NIPBL: variants seen among roughly 807,000 people sequenced by gnomAD.
NIPBL encodes NIPBL cohesin loading factor.
Under a neutral mutation model 321.8 loss-of-function variants are expected in NIPBL, and 19 were observed. That is an observed-to-expected ratio of 0.06 (90% confidence interval 0.04 to 0.09). The LOEUF is 0.09. Ranked by LOEUF, NIPBL falls within the 10% of genes least tolerant of loss-of-function variation. The probability of loss-of-function intolerance (pLI) is 1.00; values close to 1 mark genes in which losing one functional copy is unlikely to be tolerated. For missense variants in NIPBL, 2,210 were observed against 3,327.0 expected (o/e 0.66, Z 8.26); for synonymous variants, 1,106 against 1,114.1 (o/e 0.99, Z 0.14).
rs553770736 is a variant in NIPBL, at chr5:36,934,366, A to C, written c.-79-19252A>C. ...TGGATGCTGACTTTGTGTGCATCTA[A>C]TACAGAAATTCATTAAAGGAAAAGA... On this transcript the variant is annotated intron_variant, in intron 1 of 46. Transcript: ENST00000282516. 1.2e-3 allele frequency among the ~76,000 whole-genome samples: 190 copies of C among 152,268 alleles called. 1 individual carries two copies. The highest frequency in any genetic ancestry group is 2.2e-3 in the Non-Finnish European group (150 of 67,976).
At chr5:36,918,827 T>G (rs1180260653) in intron 1 of NIPBL, among the ~76,000 whole-genome samples, 1 of 152,196 alleles carries the variant, frequency 6.6e-6, no homozygotes, top group Non-Finnish European at 1.5e-5. Context: ...TGGATTACGT[T>G]TATTGATTTT....
At chr5:36,904,859 C>A in intron 1 of NIPBL, among the ~76,000 whole-genome samples, 1 of 152,192 alleles carries the variant, frequency 6.6e-6, no homozygotes, top group East Asian at 1.9e-4. Flanking sequence ...AGAAGCCAGT[C>A]TTTTTGTAAC....
intron 34 of NIPBL, among the ~76,000 whole-genome samples, chr5:37,043,482 A>G (rs571769066): frequency 2.6e-5 from 4 of 151,876 alleles, no homozygotes; most frequent in South Asian, 4.2e-4. Flanking sequence ...AGCCAAGATC[A>G]TGCCACTGCA....
chr5:36,926,416 A>G (rs1043619215), intron 1 of NIPBL, among the ~76,000 whole-genome samples: 17 of 152,190 alleles, frequency 1.1e-4, no homozygotes, highest in African/African-American at 4.1e-4. Context: ...CTTTACCCAT[A>G]TAAGTGCCGC....
At chr5:36,938,223 G>A (rs933645818) in intron 1 of NIPBL, among the ~76,000 whole-genome samples, 1 of 151,984 alleles carries the variant, frequency 6.6e-6, no homozygotes, top group South Asian at 2.1e-4. Context: ...CACTGGTTCC[G>A]GGAGAAGGGT....
chr5:36,943,274 A>G lies in NIPBL; in HGVS notation c.-79-10344A>G, dbSNP rs538362108. Reference sequence around the variant, plus strand: ...AACAATTAACAATTGGAAATCAAAAATTTGTCAATTATAATAACATCAAAA... The same window carrying G: ...AACAATTAACAATTGGAAATCAAAAGTTTGTCAATTATAATAACATCAAAA... On this transcript the variant is annotated intron_variant, in intron 1 of 46. Coordinates refer to ENST00000282516, the MANE Select transcript of NIPBL (RefSeq NM_133433.4). 2.6e-5 allele frequency among the ~76,000 whole-genome samples: 4 copies of G among 152,306 alleles called. No individual in the cohort carries two copies. The South Asian group carries it at 6.2e-4, about 24-fold the overall frequency.
chr5:37,014,781 A>C lies in NIPBL; in HGVS notation c.4643+16A>C, dbSNP rs756952407. 6.8e-7 allele frequency: 1 copy of C among 1,474,538 alleles called. No homozygotes were observed. Among genetic ancestry groups the C allele is most frequent in the Non-Finnish European group, 9.5e-7 (1 of 1,052,592 alleles). 91.3% of individuals were successfully genotyped at this position (1,474,538 alleles called of 1,614,324 possible). A position where few individuals can be genotyped will look rare whatever the true frequency, so the allele number is the denominator to read the frequency against. ...TCCTTAAAAAGTGAGTAAAATTAATATAAATCTGGTTTTTCTTTTCCACAG... is the reference window on the plus strand; with the variant it reads ...TCCTTAAAAAGTGAGTAAAATTAATCTAAATCTGGTTTTTCTTTTCCACAG... On this transcript the variant is annotated intron_variant, in intron 22 of 46. Coordinates refer to ENST00000282516, the MANE Select transcript of NIPBL (RefSeq NM_133433.4).
chr5:36,966,359 A>G (rs1742204645), intron 6 of NIPBL, among the ~76,000 whole-genome samples: 1 of 151,974 alleles, frequency 6.6e-6, no homozygotes. Flanking sequence ...TGTTTTCTGT[A>G]TTTCCTATCA....
chr5:36,900,950 C>T (rs2149533894), intron 1 of NIPBL, among the ~76,000 whole-genome samples: 1 of 151,864 alleles, frequency 6.6e-6, no homozygotes, highest in East Asian at 1.9e-4. Flanking sequence ...CCTTTTTTTC[C>T]CCAGCCTTTA....
chr5:36,982,986 A>G (rs190985566), intron 9 of NIPBL, among the ~76,000 whole-genome samples: 43 of 152,090 alleles, frequency 2.8e-4, no homozygotes, highest in Admixed American at 2.4e-3. Context: ...AGTTTAAGGG[A>G]TAAGCATAAA....
rs1755325992 is a variant in NIPBL at position 37,066,131 on chromosome 5, G to A, written c.*1239G>A. 1 of 152,118 alleles carries A rather than the reference G, an allele frequency of 6.6e-6. No homozygotes were observed. Among genetic ancestry groups the A allele is most frequent in the Non-Finnish European group, 1.5e-5 (1 of 67,994 alleles). 9.4% of individuals were successfully genotyped at this position (152,118 alleles called of 1,614,324 possible). A position where few individuals can be genotyped will look rare whatever the true frequency, so the allele number is the denominator to read the frequency against. Reference sequence around the variant, plus strand: ...AGTTGTCATTTACACATTACTTACTGCAGATATCTTGACTAAATCAGGAGG... The same window carrying A: ...AGTTGTCATTTACACATTACTTACTACAGATATCTTGACTAAATCAGGAGG... On this transcript the variant is annotated 3_prime_UTR_variant, in exon 47 of 47. Transcript: ENST00000282516.
At chr5:36,967,595 A>G (rs1261918961) in intron 6 of NIPBL, among the ~76,000 whole-genome samples, 2 of 152,216 alleles carry the variant, frequency 1.3e-5, no homozygotes, top group Non-Finnish European at 2.9e-5. Flanking sequence ...AAGGAAAATT[A>G]TAAATCAGTC....
At chr5:36,938,072 C>A (rs987461260) in intron 1 of NIPBL, among the ~76,000 whole-genome samples, 3 of 152,158 alleles carry the variant, frequency 2.0e-5, no homozygotes, top group Admixed American at 2.0e-4. Flanking sequence ...TATTTCCTTG[C>A]CCCCTGACTT....
intron 10 of NIPBL, among the ~76,000 whole-genome samples, chr5:36,994,557 G>A (rs954513050): frequency 3.9e-5 from 6 of 152,060 alleles, no homozygotes; most frequent in Admixed American, 2.6e-4. Flanking sequence ...AATGTTGATT[G>A]TAAGTTACTA....
intron 1 of NIPBL, among the ~76,000 whole-genome samples, chr5:36,933,869 A>G (rs1692344574): frequency 1.3e-5 from 2 of 151,788 alleles, no homozygotes; most frequent in Admixed American, 6.6e-5. Flanking sequence ...GGATTTTTAC[A>G]TTTTCAGTCC....
intron 1 of NIPBL, among the ~76,000 whole-genome samples, chr5:36,931,633 A>G (rs942498025): frequency 1.3e-5 from 2 of 152,072 alleles, no homozygotes; most frequent in African/African-American, 4.8e-5. Flanking sequence ...TTTAATTTCT[A>G]AAGTATTGGT....
chr5:37,031,746 C>G (rs1363235870), intron 32 of NIPBL, among the ~76,000 whole-genome samples: 1 of 152,130 alleles, frequency 6.6e-6, no homozygotes, highest in African/African-American at 2.4e-5. Flanking sequence ...CAATCCCATG[C>G]AATTTAATAG....
chr5:36,949,292 T>G (rs539463782), intron 1 of NIPBL, among the ~76,000 whole-genome samples: 2 of 152,034 alleles, frequency 1.3e-5, no homozygotes, highest in South Asian at 4.1e-4. Context: ...TGATTGTGTA[T>G]GCATAGTAAT....
intron 1 of NIPBL, among the ~76,000 whole-genome samples, chr5:36,890,933 C>CT (rs1401442208): frequency 6.6e-6 from 1 of 152,120 alleles, no homozygotes; most frequent in South Asian, 2.1e-4. Flanking sequence ...ATTCCTATGT[C>CT]TTTTCTCAGG....
Sources: gnomAD v4.1 joint callset for allele counts (sites outside exome capture counted in the v4.1 genomes callset) on GRCh38, gnomAD v4.1.1 for gene constraint, MANE v1.5 for transcripts, NCBI Gene and HGNC (gene_info 2026-07-23, HGNC 2026-07-21) for gene names.